The following GPR15LG variants were observed in gnomAD, a reference collection of about 807,000 sequenced individuals.
GPR15LG encodes protein GPR15LG.
At chr10:84,180,623 G>A in the GPR15LG span, among the ~76,000 whole-genome samples, 4 of 152,082 alleles carry the variant, frequency 2.6e-5, no homozygotes, top group South Asian at 8.3e-4. Context: ...GGGCAGAGGG[G>A]CTCCTCACAT....
At chr10:84,176,440 C>G in the GPR15LG span, 7 of 1,421,772 alleles carry the variant, frequency 4.9e-6, no homozygotes, top group African/African-American at 9.8e-5. Flanking sequence ...ACAGACAAGC[C>G]CACTAAAGAC....
At chr10:84,176,505 G>A in the GPR15LG span, 1 of 1,613,790 alleles carries the variant, frequency 6.2e-7, no homozygotes, top group Non-Finnish European at 8.5e-7. Context: ...CCAAGGCCTG[G>A]TCAGGCAGGA....
the GPR15LG span, among the ~76,000 whole-genome samples, chr10:84,184,434 T>G: frequency 2.6e-5 from 4 of 152,224 alleles, no homozygotes; most frequent in Non-Finnish European, 4.4e-5. Context: ...CTTCTCTTCC[T>G]CTTCTACCAA....
At chr10:84,176,409 C>T in the GPR15LG span, 66 of 1,110,440 alleles carry the variant, frequency 5.9e-5, no homozygotes, top group Admixed American at 8.0e-4. Flanking sequence ...AGCCCTGTGC[C>T]TTGGAAGGGG....
chr10:84,177,956 A>T, the GPR15LG span, among the ~76,000 whole-genome samples: 10 of 152,036 alleles, frequency 6.6e-5, no homozygotes, highest in Non-Finnish European at 1.2e-4. Flanking sequence ...ACAAACCAAA[A>T]CACATAAACA....
At chr10:84,180,002 G>A in the GPR15LG span, among the ~76,000 whole-genome samples, 3 of 152,102 alleles carry the variant, frequency 2.0e-5, no homozygotes, top group African/African-American at 7.2e-5. Flanking sequence ...AAGGTCTCTG[G>A]TTTTCCTAGG....
the GPR15LG span, among the ~76,000 whole-genome samples, chr10:84,178,568 TAC>T: frequency 6.7e-6 from 1 of 149,534 alleles, no homozygotes. Flanking sequence ...GACAAGCAAT[TAC>T]ACACACACAC....
At chr10:84,184,249 G>C in the GPR15LG span, among the ~76,000 whole-genome samples, 1 of 151,998 alleles carries the variant, frequency 6.6e-6, no homozygotes, top group Admixed American at 6.6e-5. Context: ...GGACTGGTTT[G>C]TCAAAAGATG....
chr10:84,180,323 C>T, the GPR15LG span, among the ~76,000 whole-genome samples: 1 of 152,222 alleles, frequency 6.6e-6, no homozygotes, highest in East Asian at 1.9e-4. Context: ...TTTCTTTTCC[C>T]CACATTTCCC....
chr10:84,184,823 C>G, the GPR15LG span: 4 of 1,606,892 alleles, frequency 2.5e-6, no homozygotes, highest in South Asian at 3.3e-5. Flanking sequence ...ACCTGAGGTA[C>G]CCAGCAGCCT....
At chr10:84,173,982 A>G in the GPR15LG span, 1 of 1,336,504 alleles carries the variant, frequency 7.5e-7, no homozygotes, top group South Asian at 1.2e-5. Context: ...GAAGACTCTG[A>G]TCAGGATTTG....
At chr10:84,181,061 C>T in the GPR15LG span, among the ~76,000 whole-genome samples, 1 of 151,582 alleles carries the variant, frequency 6.6e-6, no homozygotes, top group African/African-American at 2.4e-5. Context: ...GGCTCAGCAT[C>T]AGAGGGAGAC....
chr10:84,175,815 C>T, the GPR15LG span, among the ~76,000 whole-genome samples: 1 of 151,724 alleles, frequency 6.6e-6, no homozygotes, highest in Admixed American at 6.6e-5. Flanking sequence ...CTACTTTGCA[C>T]ATTTTAATTA....
the GPR15LG span, among the ~76,000 whole-genome samples, chr10:84,175,477 T>A: frequency 6.6e-6 from 1 of 152,262 alleles, no homozygotes; most frequent in Non-Finnish European, 1.5e-5. Context: ...TGAATTTACA[T>A]GCTTAGACAT....
At chr10:84,182,892 G>A in the GPR15LG span, among the ~76,000 whole-genome samples, 1 of 152,086 alleles carries the variant, frequency 6.6e-6, no homozygotes, top group Non-Finnish European at 1.5e-5. Context: ...CAGGGGTCAG[G>A]AAATCATGTG....
the GPR15LG span, among the ~76,000 whole-genome samples, chr10:84,178,493 GACAC>G: frequency 6.7e-6 from 1 of 149,358 alleles, no homozygotes; most frequent in Non-Finnish European, 1.5e-5. Flanking sequence ...TATACACACA[GACAC>G]ACACACAAAT....
At chr10:84,183,260 T>TA in the GPR15LG span, among the ~76,000 whole-genome samples, 1 of 152,348 alleles carries the variant, frequency 6.6e-6, no homozygotes, top group Admixed American at 6.5e-5. Context: ...ACAGAAAGGT[T>TA]AAGTAACTTG....
chr10:84,184,085 T>A, the GPR15LG span, among the ~76,000 whole-genome samples: 4 of 151,208 alleles, frequency 2.6e-5, no homozygotes, highest in Non-Finnish European at 2.9e-5. Flanking sequence ...TTTGGGAGGC[T>A]GAGGCAGGAG....
the GPR15LG span, among the ~76,000 whole-genome samples, chr10:84,174,778 C>T: frequency 3.3e-5 from 5 of 152,196 alleles, no homozygotes; most frequent in Non-Finnish European, 5.9e-5. Flanking sequence ...GCGTGAGCCA[C>T]CATGCCTGGC....
Sources: allele counts gnomAD v4.1 joint callset (sites outside exome capture counted in the v4.1 genomes callset), GRCh38; gene constraint gnomAD v4.1.1; transcripts MANE v1.5; gene names NCBI Gene and HGNC (gene_info 2026-07-23, HGNC 2026-07-21).